CDKL5: variants seen among roughly 807,000 people sequenced by gnomAD.
CDKL5 encodes the protein cyclin-dependent kinase-like 5.
CDKL5 carries 8 observed loss-of-function variants against 61.7 expected under a neutral mutation model. That is an observed-to-expected ratio of 0.13 (90% confidence interval 0.08 to 0.23). The LOEUF (loss-of-function observed/expected upper bound fraction) is 0.23. Among genes scored for constraint, CDKL5 ranks in the 10% least tolerant of loss-of-function variants. The pLI is 1.00. For synonymous variants in CDKL5, 275 were observed against 272.3 expected (o/e 1.01, Z -0.10); for missense variants, 440 against 734.5 (o/e 0.60, Z 4.63).
intron 1 of CDKL5, among the ~76,000 whole-genome samples, chrX:18,437,060 AACGGTTG>A (rs1452607267): frequency 9.0e-6 from 1 of 110,820 alleles, no homozygotes; most frequent in East Asian, 2.8e-4. Context: ...TCTCCTGGGA[AACGGTTG>A]AAGATTTTAA....
At chrX:18,481,134 C>T (rs1176375860) in intron 1 of CDKL5, among the ~76,000 whole-genome samples, 6 of 110,474 alleles carry the variant, frequency 5.4e-5, no homozygotes, top group Non-Finnish European at 1.1e-4. Flanking sequence ...GTTGGGATGA[C>T]AGGCGTGAGC....
chrX:18,588,205 T>A, intron 9 of CDKL5, 62 bp downstream of exon 9: 4 of 846,442 alleles, frequency 4.7e-6, no homozygotes, highest in Non-Finnish European at 5.3e-6. Context: ...TCATTGTTCA[T>A]TGCACAATGG....
intron 1 of CDKL5, among the ~76,000 whole-genome samples, chrX:18,488,805 T>C (rs1234614039): frequency 1.8e-5 from 2 of 111,599 alleles, no homozygotes; most frequent in Non-Finnish European, 3.8e-5. Flanking sequence ...AGGAAAGACA[T>C]GCCTCATTAT....
intron 8 of CDKL5, among the ~76,000 whole-genome samples, chrX:18,586,090 AT>A (rs896864596): frequency 5.4e-5 from 6 of 110,985 alleles, no homozygotes; most frequent in Non-Finnish European, 1.1e-4. Context: ...AAGCTTTACT[AT>A]TTTTTTTAAA....
chrX:18,460,799 C>G (rs763822822), intron 1 of CDKL5, among the ~76,000 whole-genome samples: 1 of 112,129 alleles, frequency 8.9e-6, no homozygotes, highest in Non-Finnish European at 1.9e-5. Flanking sequence ...CCATTCCTGG[C>G]TTATCTAGGT....
At chrX:18,609,425 A>G (rs780936413) in intron 13 of CDKL5, 40 bp from the exon 14 acceptor site, 3 of 1,209,242 alleles carry the variant, frequency 2.5e-6, no homozygotes, top group Non-Finnish European at 3.4e-6. Flanking sequence ...ATTGTCATCA[A>G]TGTGTGGCTT....
At chrX:18,545,109 G>C (rs1924147082) in intron 3 of CDKL5, among the ~76,000 whole-genome samples, 1 of 110,119 alleles carries the variant, frequency 9.1e-6, no homozygotes, top group African/African-American at 3.3e-5. Flanking sequence ...ACAGATAGTA[G>C]CCTGTAGTCC....
At chrX:18,642,284 G>A (rs1211376696), downstream of CDKL5, 3 of 705,505 alleles carry the variant, frequency 4.3e-6, no homozygotes, top group Non-Finnish European at 6.6e-6. Flanking sequence ...CAGTTTGCGG[G>A]TGCCCCCCAA....
intron 1 of CDKL5, among the ~76,000 whole-genome samples, chrX:18,427,280 A>G (rs1360276511): frequency 2.1e-5 from 2 of 96,587 alleles, no homozygotes; most frequent in African/African-American, 7.6e-5. Context: ...TGACAAATGC[A>G]GAGAAGAGAA....
chrX:18,526,778 CCTTT>C (rs1314525172), intron 3 of CDKL5, among the ~76,000 whole-genome samples: 1 of 109,918 alleles, frequency 9.1e-6, no homozygotes, highest in Non-Finnish European at 1.9e-5. Context: ...GCTGAAGCAG[CCTTT>C]CTTTCTTTTT....
intron 1 of CDKL5, among the ~76,000 whole-genome samples, chrX:18,464,010 G>GT (rs1225564331): frequency 2.8e-5 from 3 of 107,527 alleles, no homozygotes; most frequent in Non-Finnish European, 3.8e-5. Context: ...TGGTGTGTGT[G>GT]TTTTTTTTGT....
chrX:18,532,290 G>A (rs190285795), intron 3 of CDKL5, among the ~76,000 whole-genome samples: 92 of 110,922 alleles, frequency 8.3e-4, no homozygotes, highest in Middle Eastern at 9.3e-3. Flanking sequence ...AGAACTTTAT[G>A]TAGTTCTTGC....
chrX:18,457,310 T>G (rs951483989), intron 1 of CDKL5, among the ~76,000 whole-genome samples: 7 of 111,881 alleles, frequency 6.3e-5, no homozygotes, highest in African/African-American at 2.3e-4. Flanking sequence ...TTAGTGCATA[T>G]TGTTCTAAGC....
At chrX:18,464,978 T>G (rs1161763314) in intron 1 of CDKL5, among the ~76,000 whole-genome samples, 3 of 112,198 alleles carry the variant, frequency 2.7e-5, no homozygotes, top group African/African-American at 9.7e-5. Context: ...ATCTGTCTTT[T>G]CCTTTATGGT....
At chrX:18,644,190 T>C (rs904270733), downstream of CDKL5, among the ~76,000 whole-genome samples, 2 of 112,329 alleles carry the variant, frequency 1.8e-5, no homozygotes, top group Admixed American at 9.4e-5. Flanking sequence ...CATGCTGATA[T>C]GGAAACTCAG....
intron 1 of CDKL5, among the ~76,000 whole-genome samples, chrX:18,481,404 G>A (rs1335108060): frequency 9.5e-6 from 1 of 105,156 alleles, no homozygotes; most frequent in East Asian, 3.0e-4. Flanking sequence ...CCAGGCTGGA[G>A]TGCAGTTGCA....
In CDKL5 at chrX:18,637,901, C is replaced by T. The variant is rs943317472; in HGVS notation, c.*9144C>T. The T allele has an allele frequency of 8.9e-6, 1 of 111,928 alleles. No homozygotes were observed. Among genetic ancestry groups the T allele is most frequent in the Non-Finnish European group, 1.9e-5 (1 of 53,180 alleles). The allele number at this position is 111,928 out of a possible 1,213,427, so 9.2% of individuals were successfully genotyped here. A position where few individuals can be genotyped will look rare whatever the true frequency, so the allele number is the denominator to read the frequency against. ...TCTTTAATGCCAGTTACACAGAGCT[C>T]AGTAGGTGTCCGCACAGCCCTTTAG... is the stretch of plus-strand genomic sequence containing the variant. On this transcript the variant is annotated 3_prime_UTR_variant, in exon 18 of 18. Coordinates refer to ENST00000623535, the MANE Select transcript of CDKL5 (RefSeq NM_001323289.2).
chrX:18,626,334 G>T (rs1475675476), intron 17 of CDKL5, among the ~76,000 whole-genome samples: 1 of 110,691 alleles, frequency 9.0e-6, no homozygotes, highest in Non-Finnish European at 1.9e-5. Flanking sequence ...CTCCCAAAGT[G>T]CTGGGATTAC....
chrX:18,576,198 G>A (rs1489062729), intron 5 of CDKL5, among the ~76,000 whole-genome samples: 1 of 111,441 alleles, frequency 9.0e-6, no homozygotes, highest in Non-Finnish European at 1.9e-5. Context: ...GGAGGCTGAG[G>A]CAGGCGGATC....
Sources: gnomAD v4.1 joint callset for allele counts (sites outside exome capture counted in the v4.1 genomes callset) on GRCh38, gnomAD v4.1.1 for gene constraint, MANE v1.5 for transcripts, NCBI Gene and HGNC (gene_info 2026-07-23, HGNC 2026-07-21) for gene names.